MEMO1: variants seen among roughly 807,000 people sequenced by gnomAD.
The protein encoded by MEMO1 is protein MEMO1.
In MEMO1, 6 loss-of-function variants were observed where a neutral mutation model predicts 45.2. The ratio of observed to expected loss-of-function variants is 0.13; its 90% CI spans 0.07 to 0.26. The LOEUF is 0.26. Among genes scored for constraint, MEMO1 ranks in the 10% least tolerant of loss-of-function variants. MEMO1 has a pLI of 1.00. For missense variants in MEMO1, 184 were observed against 370.5 expected (o/e 0.50, Z 4.13); for synonymous variants, 78 against 124.3 (o/e 0.63, Z 2.48).
chr2:31,979,525 T>C (rs1247758034), intron 2 of MEMO1, among the ~76,000 whole-genome samples: 1 of 152,080 alleles, frequency 6.6e-6, no homozygotes, highest in South Asian at 2.1e-4. Flanking sequence ...TTTCAGAAAA[T>C]CATCAAAATT....
chr2:31,989,882 CG>C (rs1258996251), intron 2 of MEMO1, among the ~76,000 whole-genome samples: 1 of 151,996 alleles, frequency 6.6e-6, no homozygotes, highest in Non-Finnish European at 1.5e-5. Context: ...TTTGGGAGGC[CG>C]AAGTAGACAA....
At chr2:31,962,773 G>A (rs1179679096) in intron 2 of MEMO1, among the ~76,000 whole-genome samples, 1 of 152,218 alleles carries the variant, frequency 6.6e-6, no homozygotes, top group East Asian at 1.9e-4. Flanking sequence ...GAGCCTGGAT[G>A]TGACAGTTAA....
intron 2 of MEMO1, among the ~76,000 whole-genome samples, chr2:31,978,509 G>A (rs1383010094): frequency 6.6e-6 from 1 of 152,250 alleles, no homozygotes; most frequent in African/African-American, 2.4e-5. Flanking sequence ...GCAGTGGCAT[G>A]ATCATCATAG....
chr2:31,962,091 G>C (rs1362546358), intron 2 of MEMO1, among the ~76,000 whole-genome samples: 1 of 152,074 alleles, frequency 6.6e-6, no homozygotes, highest in Non-Finnish European at 1.5e-5. Context: ...AAATTGTTCA[G>C]GTTGATACAA....
At chr2:31,894,510 T>G (rs1239750188) in intron 6 of MEMO1, among the ~76,000 whole-genome samples, 1 of 152,190 alleles carries the variant, frequency 6.6e-6, no homozygotes, top group Non-Finnish European at 1.5e-5. Flanking sequence ...ATAGAGAGAC[T>G]TGATAAATTT....
intron 2 of MEMO1, among the ~76,000 whole-genome samples, chr2:31,975,562 A>C (rs1191983811): frequency 6.6e-6 from 1 of 152,194 alleles, no homozygotes; most frequent in Non-Finnish European, 1.5e-5. Flanking sequence ...CCTAGAAAAA[A>C]AGACAGTAGT....
chr2:31,976,553 G>A (rs1670024373), intron 2 of MEMO1, among the ~76,000 whole-genome samples: 1 of 151,728 alleles, frequency 6.6e-6, no homozygotes, highest in African/African-American at 2.4e-5. Flanking sequence ...ACTCCAGTCT[G>A]GGTGACAGAG....
chr2:31,937,018 A>G (rs930482007), intron 3 of MEMO1, among the ~76,000 whole-genome samples: 2 of 152,244 alleles, frequency 1.3e-5, no homozygotes, highest in Admixed American at 1.3e-4. Flanking sequence ...ACTAAATTAG[A>G]AAACTCCTCT....
intron 2 of MEMO1, among the ~76,000 whole-genome samples, chr2:31,990,943 T>C (rs913158701): frequency 6.6e-6 from 1 of 152,164 alleles, no homozygotes; most frequent in Admixed American, 6.6e-5. Flanking sequence ...TTAATGAATG[T>C]GTCATATCTT....
intron 6 of MEMO1, among the ~76,000 whole-genome samples, chr2:31,898,167 T>G (rs1034951255): frequency 6.6e-6 from 1 of 152,024 alleles, no homozygotes; most frequent in Non-Finnish European, 1.5e-5. Flanking sequence ...AAAAACCAGC[T>G]CCTGGATTCA....
chr2:31,882,615 T>A (rs1205725035), intron 8 of MEMO1, among the ~76,000 whole-genome samples: 1 of 152,078 alleles, frequency 6.6e-6, no homozygotes, highest in Non-Finnish European at 1.5e-5. Context: ...AAAACAAACA[T>A]GCCTGAAATT....
chr2:32,006,669 T>C (rs1674115396), intron 2 of MEMO1, among the ~76,000 whole-genome samples: 1 of 150,608 alleles, frequency 6.6e-6, no homozygotes, highest in Non-Finnish European at 1.5e-5. Flanking sequence ...TGCACACACA[T>C]AAAGAAGTGA....
chr2:31,882,616 G>T, intron 8 of MEMO1, among the ~76,000 whole-genome samples: 1 of 152,048 alleles, frequency 6.6e-6, no homozygotes, highest in Admixed American at 6.6e-5. Flanking sequence ...AAACAAACAT[G>T]CCTGAAATTT....
In MEMO1 at chr2:31,893,211, C is replaced by A. The variant is rs957758873; in HGVS notation, c.438-1077G>T. The A allele has an allele frequency of 1.3e-4, 53 of 395,558 alleles. No homozygotes were observed. In the Admixed American group the frequency reaches 2.8e-3, roughly 21 times the overall value. 24.5% of individuals were successfully genotyped at this position (395,558 alleles called of 1,614,324 possible). A position where few individuals can be genotyped will look rare whatever the true frequency, so the allele number is the denominator to read the frequency against. On this transcript the variant is annotated intron_variant, in intron 6 of 9. Transcript: ENST00000404530. Reference sequence around the variant, plus strand: ...GCTGCATAAAGCTAAATTTAGGGCACCCAAGCACCTCCCCCATAAGGCCCC... The same window carrying A: ...GCTGCATAAAGCTAAATTTAGGGCAACCAAGCACCTCCCCCATAAGGCCCC...
chr2:31,976,393 C>G (rs1488380311), intron 2 of MEMO1, among the ~76,000 whole-genome samples: 1 of 151,804 alleles, frequency 6.6e-6, no homozygotes, highest in Non-Finnish European at 1.5e-5. Context: ...GGCAGGCCAA[C>G]AGGGTGAAAC....
intron 2 of MEMO1, among the ~76,000 whole-genome samples, chr2:31,945,122 G>C (rs187541164): frequency 6.6e-6 from 1 of 152,034 alleles, no homozygotes; most frequent in Non-Finnish European, 1.5e-5. Context: ...TTCAAATGTT[G>C]TATCAATATA....
intron 6 of MEMO1, among the ~76,000 whole-genome samples, chr2:31,911,451 A>G: frequency 6.6e-6 from 1 of 152,218 alleles, no homozygotes; most frequent in South Asian, 2.1e-4. Flanking sequence ...ATAACAACAG[A>G]GACATAATAG....
intron 6 of MEMO1, among the ~76,000 whole-genome samples, chr2:31,916,075 A>G (rs1015946366): frequency 6.6e-6 from 1 of 152,206 alleles, no homozygotes; most frequent in African/African-American, 2.4e-5. Flanking sequence ...AGGGGGAATT[A>G]TAAATAGGAA....
At chr2:31,926,751 G>A (rs568287950) in intron 4 of MEMO1, among the ~76,000 whole-genome samples, 34 of 152,078 alleles carry the variant, frequency 2.2e-4, no homozygotes, top group African/African-American at 8.0e-4. Flanking sequence ...GGAGACCGAG[G>A]CAGGAGAATC....
Sources: allele counts gnomAD v4.1 joint callset (sites outside exome capture counted in the v4.1 genomes callset), GRCh38; gene constraint gnomAD v4.1.1; transcripts MANE v1.5; gene names NCBI Gene and HGNC (gene_info 2026-07-23, HGNC 2026-07-21).